The following GRIN2B variants were observed in gnomAD, a reference collection of about 807,000 sequenced individuals.
GRIN2B encodes the protein glutamate ionotropic receptor NMDA type subunit 2B.
In GRIN2B, 5 loss-of-function variants were observed where a neutral mutation model predicts 114.5. The observed-to-expected ratio is 0.04, with a 90% CI of 0.02 to 0.09. The LOEUF (loss-of-function observed/expected upper bound fraction) is 0.09. GRIN2B is among the 10% of genes least tolerant of loss of function. The pLI is 1.00. For synonymous variants in GRIN2B, 787 were observed against 745.1 expected (o/e 1.06, Z -0.92); for missense variants, 1,108 against 1,943.5 (o/e 0.57, Z 8.08).
chr12:13,672,081 C>G (rs1950027443), intron 5 of GRIN2B, among the ~76,000 whole-genome samples: 1 of 152,096 alleles, frequency 6.6e-6, no homozygotes, highest in African/African-American at 2.4e-5. Context: ...CCCTTCAAAA[C>G]AAGCTCAGGT....
chr12:13,919,482 C>T (rs757763557), intron 2 of GRIN2B, among the ~76,000 whole-genome samples: 16 of 152,160 alleles, frequency 1.1e-4, no homozygotes, highest in South Asian at 6.2e-4. Context: ...ATGACCTCAA[C>T]GTTCTAGAAA....
intron 4 of GRIN2B, among the ~76,000 whole-genome samples, chr12:13,732,363 T>C (rs746007188): frequency 4.5e-4 from 68 of 152,224 alleles, no homozygotes; most frequent in Admixed American, 6.5e-4. Flanking sequence ...TTGATTCCAA[T>C]ATAACCCTCA....
chr12:13,781,763 T>C (rs1325475742), intron 3 of GRIN2B, among the ~76,000 whole-genome samples: 1 of 152,182 alleles, frequency 6.6e-6, no homozygotes, highest in Non-Finnish European at 1.5e-5. Context: ...GCAATCTGAA[T>C]GGAATGGATT....
intron 5 of GRIN2B, among the ~76,000 whole-genome samples, chr12:13,654,390 T>C (rs957452939): frequency 7.2e-5 from 11 of 152,108 alleles, no homozygotes; most frequent in African/African-American, 2.7e-4. Context: ...ACCCCAACAA[T>C]GGTTAACTAA....
chr12:13,782,719 G>T (rs1045849308), intron 3 of GRIN2B, among the ~76,000 whole-genome samples: 1 of 152,104 alleles, frequency 6.6e-6, no homozygotes, highest in African/African-American at 2.4e-5. Context: ...TCACTCAGGC[G>T]AATCAAACTT....
At chr12:13,800,354 A>G (rs1413407868) in intron 3 of GRIN2B, among the ~76,000 whole-genome samples, 1 of 152,164 alleles carries the variant, frequency 6.6e-6, no homozygotes, top group Non-Finnish European at 1.5e-5. Context: ...GTATAGCACA[A>G]TCACATTCAT....
intron 10 of GRIN2B, among the ~76,000 whole-genome samples, chr12:13,572,964 T>C (rs1457712536): frequency 6.6e-6 from 1 of 150,432 alleles, no homozygotes; most frequent in Non-Finnish European, 1.5e-5. Context: ...CTAGCTCGTC[T>C]CTGATGTCAT....
At chr12:13,772,249 T>C (rs1338037813) in intron 3 of GRIN2B, among the ~76,000 whole-genome samples, 1 of 152,210 alleles carries the variant, frequency 6.6e-6, no homozygotes, top group African/African-American at 2.4e-5. Context: ...TCAGGTTACC[T>C]TCCTTTGCCA....
At chr12:13,980,908 GCCC>G (rs1863122160) in intron 1 of GRIN2B, among the ~76,000 whole-genome samples, 1 of 151,736 alleles carries the variant, frequency 6.6e-6, no homozygotes, top group South Asian at 2.1e-4. Context: ...GCGCACACAC[GCCC>G]CCGACGCGCA....
intron 4 of GRIN2B, among the ~76,000 whole-genome samples, chr12:13,730,112 C>T (rs986434919): frequency 2.6e-5 from 4 of 151,822 alleles, no homozygotes; most frequent in Non-Finnish European, 4.4e-5. Context: ...CCTCACTGTT[C>T]CTCATAAAGG....
chr12:13,708,460 T>C (rs1159559239), intron 4 of GRIN2B, among the ~76,000 whole-genome samples: 2 of 152,086 alleles, frequency 1.3e-5, no homozygotes, highest in African/African-American at 4.8e-5. Flanking sequence ...AAAATAGAGG[T>C]GGACTATTTC....
At chr12:13,775,035 C>T (rs1262945490) in intron 3 of GRIN2B, among the ~76,000 whole-genome samples, 2 of 151,972 alleles carry the variant, frequency 1.3e-5, no homozygotes, top group Non-Finnish European at 2.9e-5. Flanking sequence ...ATGATTATTA[C>T]CAGGCATTCA....
chr12:13,696,886 C>G (rs1298397720), intron 4 of GRIN2B, among the ~76,000 whole-genome samples: 1 of 152,156 alleles, frequency 6.6e-6, no homozygotes, highest in Non-Finnish European at 1.5e-5. Context: ...CCACCAAGCC[C>G]TTTGCAGAGC....
At chr12:13,917,955 C>T (rs1246155603) in intron 2 of GRIN2B, among the ~76,000 whole-genome samples, 2 of 151,916 alleles carry the variant, frequency 1.3e-5, no homozygotes, top group Admixed American at 6.6e-5. Context: ...GCTCTTTGGA[C>T]ATATTGGGTG....
At chr12:13,739,244 G>A (rs900148114) in intron 4 of GRIN2B, among the ~76,000 whole-genome samples, 2 of 151,754 alleles carry the variant, frequency 1.3e-5, no homozygotes, top group African/African-American at 4.8e-5. Context: ...GTCGGGCATG[G>A]TGGTGCATGC....
At chr12:13,829,926 G>A (rs1408960567) in intron 3 of GRIN2B, among the ~76,000 whole-genome samples, 1 of 152,180 alleles carries the variant, frequency 6.6e-6, no homozygotes, top group Non-Finnish European at 1.5e-5. Flanking sequence ...AGGTAAAGGA[G>A]TGAAGTGGTA....
intron 3 of GRIN2B, among the ~76,000 whole-genome samples, chr12:13,822,948 T>G (rs1864965474): frequency 6.6e-6 from 1 of 152,086 alleles, no homozygotes; most frequent in Admixed American, 6.5e-5. Flanking sequence ...AAAGCCTTCT[T>G]TTTCCATTAA....
chr12:13,835,269 T>G (rs1183573877), intron 3 of GRIN2B, among the ~76,000 whole-genome samples: 1 of 152,108 alleles, frequency 6.6e-6, no homozygotes, highest in African/African-American at 2.4e-5. Context: ...CTTTCTTGAT[T>G]TGAAGTTCAT....
chr12:13,815,393 A>G (rs902668120), intron 3 of GRIN2B, among the ~76,000 whole-genome samples: 2 of 152,142 alleles, frequency 1.3e-5, no homozygotes, highest in Non-Finnish European at 2.9e-5. Flanking sequence ...AAAAAGACAT[A>G]TAGGAACTTC....
Sources: gnomAD v4.1 joint callset for allele counts (sites outside exome capture counted in the v4.1 genomes callset) on GRCh38, gnomAD v4.1.1 for gene constraint, MANE v1.5 for transcripts, NCBI Gene and HGNC (gene_info 2026-07-23, HGNC 2026-07-21) for gene names.